HHIPL1: variants seen among roughly 807,000 people sequenced by gnomAD.
HHIPL1 encodes the protein HHIP-like protein 1.
A neutral mutation model predicts 61.8 loss-of-function variants in HHIPL1; 43 were observed. That is an observed-to-expected ratio of 0.70 (90% confidence interval 0.55 to 0.90). The LOEUF (loss-of-function observed/expected upper bound fraction) is 0.90. HHIPL1 is among the 40% of genes least tolerant of loss of function. The probability of loss-of-function intolerance (pLI) is 0.00; values close to 1 mark genes in which losing one functional copy is unlikely to be tolerated. For missense variants in HHIPL1, 1,056 were observed against 1,157.7 expected (o/e 0.91, Z 1.28); for synonymous variants, 482 against 515.8 (o/e 0.93, Z 0.89).
intron 2 of HHIPL1, among the ~76,000 whole-genome samples, chr14:99,655,590 C>T (rs1200691407): frequency 1.3e-5 from 2 of 152,036 alleles, no homozygotes; most frequent in African/African-American, 4.8e-5. Flanking sequence ...CATCACTGCA[C>T]TCCGGCCTGG....
At chr14:99,624,657 TGA>T in the HHIPL1 span, 1 of 152,222 alleles carries the variant, frequency 6.6e-6, no homozygotes, top group South Asian at 2.1e-4. Context: ...CCAGTGAGTG[TGA>T]GTTTGTTCTT....
chr14:99,665,917 G>A (rs757644866), intron 6 of HHIPL1, among the ~76,000 whole-genome samples: 2 of 152,076 alleles, frequency 1.3e-5, no homozygotes, highest in Non-Finnish European at 2.9e-5. Flanking sequence ...GAGTAGCTAG[G>A]ACTATAGGTG....
chr14:99,617,047 C>T, the HHIPL1 span, among the ~76,000 whole-genome samples: 61 of 152,250 alleles, frequency 4.0e-4, no homozygotes, highest in South Asian at 2.3e-3. Flanking sequence ...GGCCCCAGAG[C>T]AGAAGCTGGG....
At chr14:99,654,188 CA>C (rs754501639) in intron 2 of HHIPL1, among the ~76,000 whole-genome samples, 597 of 89,984 alleles carry the variant, frequency 6.6e-3, no homozygotes, top group East Asian at 0.024. Flanking sequence ...GACTCTGTCT[CA>C]AAAAAAAAAA....
At chr14:99,615,549 G>A in the HHIPL1 span, among the ~76,000 whole-genome samples, 3 of 148,520 alleles carry the variant, frequency 2.0e-5, no homozygotes, top group African/African-American at 7.5e-5. Flanking sequence ...GTGTCAGAAA[G>A]AAAAGAAAAG....
chr14:99,641,780 C>T (rs8010785), upstream of HHIPL1, among the ~76,000 whole-genome samples: 80,437 of 151,870 alleles, frequency 0.53, 21,528 homozygotes, highest in East Asian at 0.58. Flanking sequence ...AGGTATTTTT[C>T]CCCCTCTGGC....
At chr14:99,638,590 G>A in the HHIPL1 span, among the ~76,000 whole-genome samples, 7 of 152,268 alleles carry the variant, frequency 4.6e-5, no homozygotes, top group Admixed American at 2.6e-4. Flanking sequence ...GGCCCCAGAG[G>A]GGCCAGCAAA....
At chr14:99,662,848 T>G (rs766818232) in intron 5 of HHIPL1, 28 bp from the exon 6 acceptor site, 2 of 1,550,814 alleles carry the variant, frequency 1.3e-6, no homozygotes, top group Non-Finnish European at 1.7e-6. Context: ...ATGCCAGGCA[T>G]GGCCTCACAG....
At chr14:99,648,385 G>A (rs758504504) in intron 1 of HHIPL1, among the ~76,000 whole-genome samples, 9 of 152,156 alleles carry the variant, frequency 5.9e-5, no homozygotes, top group East Asian at 1.9e-4. Context: ...GCTTGCCCAC[G>A]GTTAAGAGCA....
chr14:99,644,542 A>G (rs1266400835), upstream of HHIPL1, among the ~76,000 whole-genome samples: 1 of 152,088 alleles, frequency 6.6e-6, no homozygotes, highest in Non-Finnish European at 1.5e-5. Flanking sequence ...CCCAGGAGGT[A>G]GATTCATCAG....
At chr14:99,607,128 G>T in the HHIPL1 span, among the ~76,000 whole-genome samples, 1 of 148,042 alleles carries the variant, frequency 6.8e-6, no homozygotes, top group Non-Finnish European at 1.5e-5. Flanking sequence ...CAACCTCCGG[G>T]CTCAAGAGAT....
chr14:99,643,143 C>T (rs1430617565), upstream of HHIPL1, among the ~76,000 whole-genome samples: 2 of 152,104 alleles, frequency 1.3e-5, no homozygotes, highest in Non-Finnish European at 1.5e-5. Context: ...TGGGTTCAAG[C>T]GATTCTCATG....
chr14:99,664,246 T>C (rs1260064559), intron 6 of HHIPL1, among the ~76,000 whole-genome samples: 1 of 152,066 alleles, frequency 6.6e-6, no homozygotes. Flanking sequence ...CCCGGCTCAG[T>C]GCCCAGAGCC....
intron 3 of HHIPL1, among the ~76,000 whole-genome samples, chr14:99,657,794 CAT>C (rs1447424518): frequency 6.6e-6 from 1 of 151,942 alleles, no homozygotes; most frequent in Non-Finnish European, 1.5e-5. Flanking sequence ...ACAGCACACA[CAT>C]ATACACACAT....
the HHIPL1 span, among the ~76,000 whole-genome samples, chr14:99,630,349 T>G: frequency 6.6e-6 from 1 of 152,196 alleles, no homozygotes; most frequent in Non-Finnish European, 1.5e-5. Context: ...CGTTTCATCA[T>G]CTGACTCCGC....
chr14:99,637,189 GAAGAAAGAAAGGAAGA>G, the HHIPL1 span, among the ~76,000 whole-genome samples: 139 of 78,452 alleles, frequency 1.8e-3, 7 homozygotes, highest in African/African-American at 6.3e-3. Context: ...AGAAAGAATG[GAAGAAAGAAAGGAAGA>G]AAGAAAGAAA....
At chr14:99,622,255 C>CCA in the HHIPL1 span, among the ~76,000 whole-genome samples, 10 of 152,152 alleles carry the variant, frequency 6.6e-5, no homozygotes, top group Admixed American at 2.6e-4. Flanking sequence ...CATCCAGACT[C>CCA]GATTGAAACA....
intron 8 of HHIPL1, 50 bp downstream of exon 8, chr14:99,672,449 CCCACAA>C: frequency 4.8e-6 from 7 of 1,461,704 alleles, no homozygotes; most frequent in Non-Finnish European, 6.6e-6. Flanking sequence ...GATCCCGCAG[CCCACAA>C]CGGCTGCCTT....
chr14:99,663,247 C>T (rs946466980), intron 6 of HHIPL1, among the ~76,000 whole-genome samples: 3 of 152,096 alleles, frequency 2.0e-5, no homozygotes, highest in African/African-American at 7.2e-5. Context: ...AGAAAGAAAT[C>T]GGGGGAAGTC....
Sources: gnomAD v4.1 joint callset for allele counts (sites outside exome capture counted in the v4.1 genomes callset) on GRCh38, gnomAD v4.1.1 for gene constraint, MANE v1.5 for transcripts, NCBI Gene and HGNC (gene_info 2026-07-23, HGNC 2026-07-21) for gene names.